EML4: variants seen among roughly 807,000 people sequenced by gnomAD.
The protein encoded by EML4 is echinoderm microtubule-associated protein-like 4.
A neutral mutation model predicts 129.0 loss-of-function variants in EML4; 72 were observed. That is an observed-to-expected ratio of 0.56 (90% CI 0.46 to 0.68). EML4 has a LOEUF of 0.68. EML4 is among the 30% of genes least tolerant of loss of function. EML4 has a pLI of 0.00. For missense variants in EML4, 1,363 were observed against 1,190.6 expected, an observed-to-expected ratio of 1.14 and a Z score of -2.13; for synonymous variants, 532 against 405.0, an observed-to-expected ratio of 1.31 and a Z score of -3.77.
intron 11 of EML4, among the ~76,000 whole-genome samples, chr2:42,294,157 A>G (rs1667814705): frequency 6.6e-6 from 1 of 152,204 alleles, no homozygotes; most frequent in South Asian, 2.1e-4. Context: ...TCCTCAATTG[A>G]AATCATTTTA....
intron 1 of EML4, among the ~76,000 whole-genome samples, chr2:42,227,082 A>G (rs1341539606): frequency 6.6e-6 from 1 of 152,130 alleles, no homozygotes; most frequent in Non-Finnish European, 1.5e-5. Context: ...TTTCAGTTTT[A>G]TGTGCATGTG....
At chr2:42,252,488 G>T (rs1055430978) in intron 2 of EML4, among the ~76,000 whole-genome samples, 1 of 152,152 alleles carries the variant, frequency 6.6e-6, no homozygotes, top group Non-Finnish European at 1.5e-5. Flanking sequence ...TCTCTAAAAT[G>T]TAAATTGAAC....
intron 13 of EML4, 66 bp downstream of exon 13, chr2:42,295,582 C>G (rs1420463543): frequency 3.5e-6 from 5 of 1,423,758 alleles, no homozygotes; most frequent in Middle Eastern, 2.0e-4. Flanking sequence ...AGTCCCATCT[C>G]TTAGACCAGG....
intron 1 of EML4, among the ~76,000 whole-genome samples, chr2:42,232,926 C>T (rs190077875): frequency 1.3e-5 from 2 of 152,074 alleles, no homozygotes; most frequent in Non-Finnish European, 2.9e-5. Flanking sequence ...GGGGTTTCAC[C>T]GTGTTAGCCA....
chr2:42,218,040 C>T (rs1344696923), intron 1 of EML4, among the ~76,000 whole-genome samples: 1 of 152,096 alleles, frequency 6.6e-6, no homozygotes, highest in African/African-American at 2.4e-5. Context: ...ACCCTCCGGG[C>T]CACAGACTGG....
At chr2:42,300,296 A>G (rs975933386) in intron 13 of EML4, among the ~76,000 whole-genome samples, 1 of 152,226 alleles carries the variant, frequency 6.6e-6, no homozygotes, top group Non-Finnish European at 1.5e-5. Flanking sequence ...CTGCTAGCCT[A>G]TCTAGCTAAA....
rs140646537 is a variant in EML4 at position 42,244,355 on chromosome 2, C to T, written c.26-1150C>T. 3.4e-4 allele frequency among the ~76,000 whole-genome samples: 52 copies of T among 152,204 alleles called. 1 individual carries two copies. In the East Asian group the frequency reaches 0.01, roughly 29 times the overall value. On this transcript the variant is annotated intron_variant, in intron 1 of 22. Coordinates refer to ENST00000318522, the MANE Select transcript of EML4 (RefSeq NM_019063.5). ...CTCATGATCTGCCCTCCTCAGCCTC[C>T]CAAAGTGCTGGGATTACAGGCATGA...
intron 1 of EML4, among the ~76,000 whole-genome samples, chr2:42,185,105 AT>A (rs557892678): frequency 1.3e-5 from 2 of 150,492 alleles, no homozygotes; most frequent in African/African-American, 2.4e-5. Context: ...GCATATATTG[AT>A]TTTTTTTTTC....
At chr2:42,208,795 C>CTTT (rs370364881) in intron 1 of EML4, among the ~76,000 whole-genome samples, 9 of 144,942 alleles carry the variant, frequency 6.2e-5, no homozygotes, top group African/African-American at 2.3e-4. Context: ...TTCTGTCTGG[C>CTTT]TTTTTTTTTT....
Position 42,187,098 on chromosome 2 carries a change from C to T in EML4, c.25+17462C>T, listed in dbSNP as rs557337966. Among the ~76,000 whole-genome samples, 3 of 151,668 alleles carry T rather than the reference C, an allele frequency of 2.0e-5. No individual in the cohort carries two copies. The East Asian group carries it at 5.8e-4, about 29-fold the overall frequency. ...TTGCTCTGTTGCCCAGGCTGGAGTG[C>T]AGTGGCAGGATCTCATTTTACTGTA... On this transcript the variant is annotated intron_variant, in intron 1 of 22. Transcript: ENST00000318522.
intron 2 of EML4, among the ~76,000 whole-genome samples, chr2:42,252,675 T>G (rs1452934102): frequency 6.6e-6 from 1 of 152,178 alleles, no homozygotes. Flanking sequence ...CGCAAATACA[T>G]ACACTCTCTT....
chr2:42,194,849 T>A (rs1288064080), intron 1 of EML4, among the ~76,000 whole-genome samples: 1 of 152,168 alleles, frequency 6.6e-6, no homozygotes, highest in East Asian at 1.9e-4. Context: ...CATTTGTTCC[T>A]TAGGGCTTTG....
At chr2:42,317,567 T>G in intron 19 of EML4, 43 bp downstream of exon 19, 1 of 1,417,176 alleles carries the variant, frequency 7.1e-7, no homozygotes, top group Non-Finnish European at 9.8e-7. Flanking sequence ...ATTGGGAAAT[T>G]TTACTTCCGT....
Position 42,192,246 on chromosome 2 carries a change from G to A in EML4, c.25+22610G>A, listed in dbSNP as rs532929940. ...GTTGTTTTTTTGTTTTTTTTTTTGGGGGGGGGAGGTGTAGTCTTGCTCCTC... is the reference window on the plus strand; with the variant it reads ...GTTGTTTTTTTGTTTTTTTTTTTGGAGGGGGGAGGTGTAGTCTTGCTCCTC... On this transcript the variant is annotated intron_variant, in intron 1 of 22. Transcript: ENST00000318522. Among the ~76,000 whole-genome samples the A allele has an allele frequency of 2.9e-3, 426 of 148,056 alleles. 1 individual carries two copies. Among genetic ancestry groups the A allele is most frequent in the Admixed American group, 4.2e-3 (63 of 14,976 alleles).
At position 42,330,422 on chromosome 2, in the gene EML4, C is replaced by G. The variant is rs2103853330; in HGVS notation, c.*215C>G. The G allele has an allele frequency of 4.7e-6, 3 of 632,814 alleles. No homozygotes were observed. Among genetic ancestry groups the G allele is most frequent in the East Asian group, 5.7e-5 (2 of 35,378 alleles). The allele number at this position is 632,814 out of a possible 1,614,324, so 39.2% of individuals were successfully genotyped here. On this transcript the variant is annotated 3_prime_UTR_variant, in exon 23 of 23. Coordinates refer to ENST00000318522, the MANE Select transcript of EML4 (RefSeq NM_019063.5). ...TATTGAAAATTAACCAAACTTAATA[C>G]TAGGAGAAGACTGAATCATTAATGA...
chr2:42,320,508 T>G (rs1669463608), intron 19 of EML4, among the ~76,000 whole-genome samples: 1 of 152,124 alleles, frequency 6.6e-6, no homozygotes, highest in South Asian at 2.1e-4. Context: ...GATTTAGATG[T>G]GATGATGTAT....
At chr2:42,215,627 T>C (rs1355947254) in intron 1 of EML4, among the ~76,000 whole-genome samples, 1 of 152,218 alleles carries the variant, frequency 6.6e-6, no homozygotes, top group Non-Finnish European at 1.5e-5. Context: ...TATACTTGGG[T>C]TACCATATAT....
intron 13 of EML4, among the ~76,000 whole-genome samples, chr2:42,297,243 G>A (rs1298155678): frequency 1.3e-5 from 2 of 151,550 alleles, no homozygotes; most frequent in Admixed American, 6.6e-5. Flanking sequence ...TTTCTTTCCT[G>A]GGCACATTTA....
intron 13 of EML4, among the ~76,000 whole-genome samples, chr2:42,298,987 C>T (rs868294746): frequency 6.6e-6 from 1 of 152,222 alleles, no homozygotes; most frequent in African/African-American, 2.4e-5. Context: ...ATTCTCATCT[C>T]TCAGGTGTCC....
Sources: allele counts gnomAD v4.1 joint callset (sites outside exome capture counted in the v4.1 genomes callset), GRCh38; gene constraint gnomAD v4.1.1; transcripts MANE v1.5; gene names NCBI Gene and HGNC (gene_info 2026-07-23, HGNC 2026-07-21).